Variants in CPAMD8 observed in about 807,000 individuals in gnomAD.
CPAMD8 encodes C3 and PZP-like alpha-2-macroglobulin domain-containing protein 8.
Under a neutral mutation model 224.7 loss-of-function variants are expected in CPAMD8, and 146 were observed. The ratio of observed to expected loss-of-function variants is 0.65; its 90% confidence interval spans 0.57 to 0.75. The LOEUF (loss-of-function observed/expected upper bound fraction) is 0.75, where lower values mean the gene tolerates loss of function less well. CPAMD8 is among the 30% of genes least tolerant of loss of function. The pLI, the probability that CPAMD8 is intolerant of heterozygous loss-of-function variation, is 0.00. For synonymous variants in CPAMD8, 966 were observed against 1,044.6 expected (o/e 0.92, Z 1.45); for missense variants, 2,301 against 2,537.5 (o/e 0.91, Z 2.00).
At chr19:17,009,556 C>T (rs533676725) in intron 5 of CPAMD8, 57 of 466,562 alleles carry the variant, frequency 1.2e-4, no homozygotes, top group East Asian at 1.0e-3. Context: ...GGGTGGATCA[C>T]GAGGTCAGGA....
intron 20 of CPAMD8, among the ~76,000 whole-genome samples, chr19:16,949,118 G>T (rs768405229): frequency 1.3e-5 from 2 of 152,078 alleles, no homozygotes; most frequent in Non-Finnish European, 2.9e-5. Flanking sequence ...CAGTGTCAAT[G>T]AGCCATTTTC....
At chr19:17,025,055 A>G (rs1186866835) in intron 1 of CPAMD8, among the ~76,000 whole-genome samples, 1 of 152,192 alleles carries the variant, frequency 6.6e-6, no homozygotes, top group Non-Finnish European at 1.5e-5. Context: ...CATGTCACTT[A>G]ACAGATGGTA....
At chr19:16,968,643 T>C (rs1213387559) in intron 18 of CPAMD8, among the ~76,000 whole-genome samples, 1 of 152,158 alleles carries the variant, frequency 6.6e-6, no homozygotes, top group Non-Finnish European at 1.5e-5. Context: ...ATTTATTTAT[T>C]TATTTTTAAA....
chr19:16,925,839 C>T (rs528941878), intron 25 of CPAMD8, among the ~76,000 whole-genome samples: 9 of 152,116 alleles, frequency 5.9e-5, no homozygotes, highest in South Asian at 2.1e-4. Context: ...CTGCAACCTC[C>T]GCTTCCCAGG....
intron 19 of CPAMD8, 109 bp from the exon 20 acceptor site, chr19:16,952,309 G>A (rs1197872318): frequency 1.5e-6 from 1 of 674,546 alleles, no homozygotes; most frequent in African/African-American, 1.8e-5. Context: ...AGGCACCCTA[G>A]GAGCTTAGAA....
chr19:16,903,652 G>A, intron 33 of CPAMD8, 29 bp from the exon 34 acceptor site: 3 of 1,614,016 alleles, frequency 1.9e-6, no homozygotes, highest in Non-Finnish European at 2.5e-6. Context: ...GTGAGGCCCT[G>A]CTGACCCCTC....
At chr19:16,928,549 T>C (rs537218985) in intron 24 of CPAMD8, among the ~76,000 whole-genome samples, 1 of 152,310 alleles carries the variant, frequency 6.6e-6, no homozygotes, top group African/African-American at 2.4e-5. Context: ...CTCCTATTCA[T>C]ACTTCAAAAC....
chr19:16,975,166 T>C lies in CPAMD8; in HGVS notation c.2001A>G (p.Gln667=). ...GGAAGACAGAGGAGCGCCGGCGTCG[T>C]TGTGCCGTCAGCCCAGCCCACCAAA... ...GPFWWAGLTA[Q]RRRRSSVFPW... The change falls in exon 17 of 42, where the codon CAA becomes CAG. Residue 667 remains glutamine, a synonymous_variant. Coordinates refer to ENST00000443236, the MANE Select transcript of CPAMD8 (RefSeq NM_015692.5). 6.2e-7 allele frequency: 1 copy of C among 1,612,678 alleles called. No homozygotes were observed. The highest frequency in any genetic ancestry group is 8.5e-7 in the Non-Finnish European group (1 of 1,179,474).
intron 20 of CPAMD8, among the ~76,000 whole-genome samples, chr19:16,949,856 G>T (rs1041126735): frequency 6.6e-6 from 1 of 152,206 alleles, no homozygotes; most frequent in East Asian, 1.9e-4. Flanking sequence ...GGGCTGTCCC[G>T]GCACCCGTAG....
Position 17,012,773 on chromosome 19 carries a change from C to G in CPAMD8, c.268-1016G>C, listed in dbSNP as rs189666016. Among the ~76,000 whole-genome samples, 221 of 152,322 alleles carry G rather than the reference C, an allele frequency of 1.5e-3. 1 individual carries two copies. The highest frequency in any genetic ancestry group is 5.1e-3 in the African/African-American group (214 of 41,580). On this transcript the variant is annotated intron_variant, in intron 3 of 41. Transcript: ENST00000443236. ...GTTACAAGAACTGTCTCCCTTCTTG[C>G]CAAGTGAATTCACAGCCTGTGAGCG... is the stretch of plus-strand genomic sequence containing the variant.
chr19:16,929,209 A>G lies in CPAMD8; in HGVS notation c.2877T>C (p.Tyr959=). 1 of 1,609,338 alleles carries G rather than the reference A, an allele frequency of 6.2e-7. No homozygotes were observed. Among genetic ancestry groups the G allele is most frequent in the Non-Finnish European group, 8.5e-7 (1 of 1,176,240 alleles). ...GTGGCCGCTGCACATACTGGAACTCATACTTGTTGGGGGTGGAGATGTGGA... is the reference window on the plus strand; with the variant it reads ...GTGGCCGCTGCACATACTGGAACTCGTACTTGTTGGGGGTGGAGATGTGGA... ...ERVHISTPNK[Y]EFQYVQRPLR... The change falls in exon 24 of 42, where the codon TAT becomes TAC. Residue 959 remains tyrosine, a synonymous_variant. Coordinates refer to ENST00000443236, the MANE Select transcript of CPAMD8 (RefSeq NM_015692.5).
intron 18 of CPAMD8, among the ~76,000 whole-genome samples, chr19:16,965,026 T>C (rs2054781644): frequency 6.6e-6 from 1 of 152,212 alleles, no homozygotes. Flanking sequence ...TTTGGGAGGC[T>C]GAGGCAGGCA....
chr19:16,954,666 A>G (rs1465743415), intron 19 of CPAMD8, among the ~76,000 whole-genome samples: 1 of 152,214 alleles, frequency 6.6e-6, no homozygotes, highest in East Asian at 1.9e-4. Context: ...GAGGGAATCC[A>G]TGCAATAGGA....
At chr19:16,990,271 C>G (rs570694793) in intron 12 of CPAMD8, among the ~76,000 whole-genome samples, 34 of 151,930 alleles carry the variant, frequency 2.2e-4, no homozygotes, top group African/African-American at 8.2e-4. Context: ...AAGAAGCAAG[C>G]ATCCAAGATT....
intron 13 of CPAMD8, among the ~76,000 whole-genome samples, chr19:16,981,869 C>T (rs1019492755): frequency 6.6e-6 from 1 of 152,192 alleles, no homozygotes; most frequent in African/African-American, 2.4e-5. Context: ...TAAAATAAGG[C>T]TGTTATCTCC....
intron 20 of CPAMD8, among the ~76,000 whole-genome samples, chr19:16,948,427 C>A (rs1341272587): frequency 6.6e-6 from 1 of 152,134 alleles, no homozygotes; most frequent in Non-Finnish European, 1.5e-5. Flanking sequence ...ATCCCCACAT[C>A]CCCCTCAAGG....
intron 3 of CPAMD8, among the ~76,000 whole-genome samples, chr19:17,018,146 G>T (rs2056860167): frequency 6.6e-6 from 1 of 151,996 alleles, no homozygotes. Flanking sequence ...ATGGAGATGG[G>T]CGCCTTATAA....
chr19:16,926,087 G>T (rs1221675048), intron 25 of CPAMD8, among the ~76,000 whole-genome samples: 1 of 151,876 alleles, frequency 6.6e-6, no homozygotes, highest in Non-Finnish European at 1.5e-5. Flanking sequence ...AAAATATTCA[G>T]ATTTTCTCTT....
At chr19:17,010,477 G>A (rs535343579) in intron 5 of CPAMD8, among the ~76,000 whole-genome samples, 10 of 152,134 alleles carry the variant, frequency 6.6e-5, no homozygotes, top group African/African-American at 1.4e-4. Flanking sequence ...TGGCCACAGC[G>A]ATCTTCCTGC....
Sources: allele counts gnomAD v4.1 joint callset (sites outside exome capture counted in the v4.1 genomes callset), GRCh38; gene constraint gnomAD v4.1.1; transcripts MANE v1.5; gene names NCBI Gene and HGNC (gene_info 2026-07-23, HGNC 2026-07-21).